Variants in PRKAR1A observed in about 807,000 individuals in gnomAD.
PRKAR1A encodes the protein cAMP-dependent protein kinase type I-alpha regulatory subunit.
Under a neutral mutation model 52.0 loss-of-function variants are expected in PRKAR1A, and 3 were observed. That is an observed-to-expected ratio of 0.06 (90% CI 0.03 to 0.15). The LOEUF (loss-of-function observed/expected upper bound fraction) is 0.15, where lower values mean the gene tolerates loss of function less well. Among genes scored for constraint, PRKAR1A ranks in the 10% least tolerant of loss-of-function variants. PRKAR1A has a pLI of 1.00. For missense variants in PRKAR1A, 240 were observed against 477.4 expected, an observed-to-expected ratio of 0.50 and a Z score of 4.63; for synonymous variants, 188 against 168.4, an observed-to-expected ratio of 1.12 and a Z score of -0.90.
At chr17:68,477,202 A>T in the PRKAR1A span, among the ~76,000 whole-genome samples, 1 of 152,162 alleles carries the variant, frequency 6.6e-6, no homozygotes, top group South Asian at 2.1e-4. Context: ...TTTATTCGTC[A>T]TGCATCAAAT....
chr17:68,429,977 T>C, the PRKAR1A span: 3 of 1,613,504 alleles, frequency 1.9e-6, no homozygotes, highest in African/African-American at 1.3e-5. Context: ...TTGTTCAGAG[T>C]GGGTGTCATT....
At position 68,522,950 on chromosome 17, in the gene PRKAR1A, G is replaced by C. The variant is rs143780017; in HGVS notation, c.348+24G>C. 4.3e-5 allele frequency: 70 copies of C among 1,611,806 alleles called. No individual in the cohort carries two copies. The East Asian group carries it at 1.5e-3, about 35-fold the overall frequency. ...AGGTAGTTTTGATATTTGAATATCGGGGGGATGCTTTTGGGACCCACTTGG... is the reference window on the plus strand; with the variant it reads ...AGGTAGTTTTGATATTTGAATATCGCGGGGATGCTTTTGGGACCCACTTGG... On this transcript the variant is annotated intron_variant, in intron 3 of 10. Transcript: ENST00000589228.
At chr17:68,441,982 G>A in the PRKAR1A span, among the ~76,000 whole-genome samples, 7 of 152,242 alleles carry the variant, frequency 4.6e-5, no homozygotes, top group East Asian at 1.2e-3. Flanking sequence ...GGAAGTCTCT[G>A]CTATTGTTTC....
the PRKAR1A span, among the ~76,000 whole-genome samples, chr17:68,486,490 CTTCCTTCCTTCCTTCCTTCTTTCT>C: frequency 0.039 from 2,613 of 67,272 alleles, 22 homozygotes; most frequent in East Asian, 0.07. Flanking sequence ...TCCTTCCTTC[CTTCCTTCCTTCCTTCCTTCTTTCT>C]TTCTTTCTTT....
chr17:68,520,677 A>G (rs1333233415), intron 2 of PRKAR1A, among the ~76,000 whole-genome samples: 1 of 152,220 alleles, frequency 6.6e-6, no homozygotes, highest in Non-Finnish European at 1.5e-5. Context: ...TGATCTGAGT[A>G]ATGGCTCTGA....
intron 2 of PRKAR1A, 51 bp from the exon 3 acceptor site, chr17:68,522,705 C>T (rs1227409640): frequency 1.1e-5 from 17 of 1,592,920 alleles, no homozygotes; most frequent in Non-Finnish European, 1.5e-5. Context: ...ATGAGAGTGC[C>T]AGCTTTACAT....
the PRKAR1A span, among the ~76,000 whole-genome samples, chr17:68,456,015 T>A: frequency 6.6e-6 from 1 of 152,154 alleles, no homozygotes; most frequent in Non-Finnish European, 1.5e-5. Context: ...CATGAGTGGA[T>A]CCTAAAACGC....
rs554087092 is a variant in PRKAR1A at position 68,527,777 on chromosome 17, A to G, written c.709-63A>G. On this transcript the variant is annotated intron_variant, in intron 7 of 10. Coordinates refer to ENST00000589228, the MANE Select transcript of PRKAR1A (RefSeq NM_002734.5). Reference sequence around the variant, plus strand: ...TTTGAAACTTAATATTTATTATTCCATAGCATTATGTGGTGATAATTACAC... The same window carrying G: ...TTTGAAACTTAATATTTATTATTCCGTAGCATTATGTGGTGATAATTACAC... 3 of 1,301,792 alleles carry G rather than the reference A, an allele frequency of 2.3e-6. No homozygotes were observed. The South Asian group carries it at 3.6e-5, about 15-fold the overall frequency. The allele number at this position is 1,301,792 out of a possible 1,614,324, so 80.6% of individuals were successfully genotyped here.
the PRKAR1A span, among the ~76,000 whole-genome samples, chr17:68,472,076 T>C: frequency 6.6e-6 from 1 of 152,194 alleles, no homozygotes; most frequent in Non-Finnish European, 1.5e-5. Context: ...TGTGCTGGTA[T>C]GACAGGCCTG....
chr17:68,486,840 A>G, the PRKAR1A span, among the ~76,000 whole-genome samples: 2 of 151,034 alleles, frequency 1.3e-5, no homozygotes, highest in African/African-American at 4.9e-5. Flanking sequence ...TAATGGGTAT[A>G]CTAATGCTAG....
At chr17:68,529,694 T>C (rs745745746) in intron 9 of PRKAR1A, among the ~76,000 whole-genome samples, 2 of 152,254 alleles carry the variant, frequency 1.3e-5, no homozygotes, top group Non-Finnish European at 2.9e-5. Context: ...TACAGTTTGC[T>C]AACCCAAGTG....
chr17:68,537,105 A>T (rs1298941045), downstream of PRKAR1A: 1 of 470,026 alleles, frequency 2.1e-6, no homozygotes, highest in Non-Finnish European at 4.2e-6. This position sits in a 1 kb window ranked among gnomAD's most constrained non-coding sequence, Gnocchi z 4.2. Context: ...TAGAATAAGG[A>T]TCCTGAGAAG....
chr17:68,512,849 C>G (rs927242222), intron 1 of PRKAR1A: 2 of 152,204 alleles, frequency 1.3e-5, no homozygotes, highest in Non-Finnish European at 2.9e-5. Flanking sequence ...GCGGCCCTCC[C>G]CGGCCGCCTT....
chr17:68,521,148 G>A (rs763087520), intron 2 of PRKAR1A, among the ~76,000 whole-genome samples: 1 of 152,104 alleles, frequency 6.6e-6, no homozygotes, highest in Non-Finnish European at 1.5e-5. Context: ...CACCATAATG[G>A]CCAGTCTGGT....
the PRKAR1A span, among the ~76,000 whole-genome samples, chr17:68,462,969 CT>C: frequency 6.6e-6 from 1 of 152,170 alleles, no homozygotes; most frequent in Non-Finnish European, 1.5e-5. Flanking sequence ...GAGAGTTAGC[CT>C]GTGCTCCTGG....
chr17:68,420,923 G>C, the PRKAR1A span: 1 of 162,462 alleles, frequency 6.2e-6, no homozygotes, highest in Non-Finnish European at 1.3e-5. Flanking sequence ...TTAGGGCAGA[G>C]CTTCTCTCTC....
chr17:68,420,585 GT>G, the PRKAR1A span: 1 of 1,216,462 alleles, frequency 8.2e-7, no homozygotes, highest in Non-Finnish European at 1.2e-6. Flanking sequence ...TAGTTTTGGA[GT>G]TAGCCTTGCA....
chr17:68,498,434 G>A, the PRKAR1A span, among the ~76,000 whole-genome samples: 6 of 152,160 alleles, frequency 3.9e-5, no homozygotes, highest in South Asian at 4.1e-4. Context: ...CCCCTGGGTC[G>A]TTTTGTGAAT....
At chr17:68,447,061 G>T in the PRKAR1A span, among the ~76,000 whole-genome samples, 3 of 152,140 alleles carry the variant, frequency 2.0e-5, no homozygotes, top group South Asian at 2.1e-4. Context: ...TCAGCTCCTT[G>T]TCTGTTGCTT....
Sources: gnomAD v4.1 joint callset for allele counts (sites outside exome capture counted in the v4.1 genomes callset) on GRCh38, gnomAD v4.1.1 for gene constraint, Gnocchi (gnomAD v3.1) non-coding constraint, MANE v1.5 for transcripts, NCBI Gene and HGNC (gene_info 2026-07-23, HGNC 2026-07-21) for gene names.